Variants in TIAM1 observed in about 807,000 individuals in gnomAD.
TIAM1 encodes rho guanine nucleotide exchange factor TIAM1.
In TIAM1, 65 loss-of-function variants were observed where a neutral mutation model predicts 163.5. The ratio of observed to expected loss-of-function variants is 0.40; its 90% confidence interval spans 0.33 to 0.49. The LOEUF is 0.49. TIAM1 is among the 20% of genes least tolerant of loss of function. The pLI, the probability that TIAM1 is intolerant of heterozygous loss-of-function variation, is 0.77. For synonymous variants in TIAM1, 833 were observed against 810.1 expected, an observed-to-expected ratio of 1.03 and a Z score of -0.48; for missense variants, 1,789 against 2,044.7, an observed-to-expected ratio of 0.87 and a Z score of 2.41.
intron 4 of TIAM1, among the ~76,000 whole-genome samples, chr21:31,259,884 T>G (rs1351986484): frequency 4.0e-5 from 6 of 151,654 alleles, no homozygotes; most frequent in Non-Finnish European, 1.5e-5. Context: ...ATCATAGAGA[T>G]CTGCAAAAAT....
intron 13 of TIAM1, among the ~76,000 whole-genome samples, chr21:31,190,391 G>A (rs574267742): frequency 3.9e-5 from 6 of 152,162 alleles, no homozygotes; most frequent in African/African-American, 7.2e-5. Context: ...CAGCCTGGGC[G>A]ACAGAGTAAG....
intron 14 of TIAM1, among the ~76,000 whole-genome samples, chr21:31,184,471 C>T (rs1406713978): frequency 6.6e-6 from 1 of 152,090 alleles, no homozygotes; most frequent in East Asian, 1.9e-4. Context: ...GTGTTGGGAT[C>T]GTGTTTGTGG....
Position 31,120,945 on chromosome 21 carries a change from T to C in TIAM1, c.4307-108A>G, listed in dbSNP as rs187669817. 905 of 993,858 alleles carry C rather than the reference T, an allele frequency of 9.1e-4. 5 individuals are homozygous for C. The African/African-American group carries it at 0.011, about 12-fold the overall frequency. 61.6% of individuals were successfully genotyped at this position (993,858 alleles called of 1,614,324 possible). The stretch of plus-strand genomic sequence containing the variant: ...AAAATAAAAACCAAAACGGTATGCA[T>C]TGAATGCCTTGATGTCTTTTGGGGC... On this transcript the variant is annotated intron_variant, in intron 27 of 27. Coordinates refer to ENST00000541036, the MANE Select transcript of TIAM1 (RefSeq NM_001353694.2). This position sits in a 1 kb window ranked among gnomAD's most constrained non-coding sequence, Gnocchi z 4.2.
rs761233016 is a variant in TIAM1 at position 31,120,724 on chromosome 21, G to A, written c.4420C>T (p.Pro1474Ser). 7.4e-6 allele frequency: 12 copies of A among 1,614,038 alleles called. No homozygotes were observed. The highest frequency in any genetic ancestry group is 3.3e-5 in the South Asian group (3 of 91,072). The change falls in exon 28 of 28, where the codon CCC becomes TCC. Residue 1474 changes from proline to serine, a missense_variant. Coordinates refer to ENST00000541036, the MANE Select transcript of TIAM1 (RefSeq NM_001353694.2). The surrounding 1 kb of genome is among the most constrained non-coding windows in gnomAD (Gnocchi z 4.2). ...CGGTCAGTGTCCCCACCACCGGGGG[G>A]CTGCTGGGACTCTTTCTCCGGGCTG... ...ASSPEKESQQ[P>S]PGGGDTDRWV...
intron 2 of TIAM1, among the ~76,000 whole-genome samples, chr21:31,413,886 T>TC (rs2043289974): frequency 6.6e-6 from 1 of 151,840 alleles, no homozygotes; most frequent in East Asian, 1.9e-4. Context: ...ACTCAGCCAG[T>TC]CCCCCCGCAA....
intron 15 of TIAM1, among the ~76,000 whole-genome samples, chr21:31,167,844 C>A (rs1295254355): frequency 6.6e-6 from 1 of 152,186 alleles, no homozygotes; most frequent in Non-Finnish European, 1.5e-5. Context: ...TCGGTTTTAA[C>A]TGTAAGCCCA....
intron 1 of TIAM1, among the ~76,000 whole-genome samples, chr21:31,480,910 C>G (rs12483246): frequency 1.3e-5 from 2 of 152,132 alleles, no homozygotes; most frequent in Admixed American, 6.5e-5. Flanking sequence ...TGAGCCCCCA[C>G]GCCCAACTAA....
intron 2 of TIAM1, among the ~76,000 whole-genome samples, chr21:31,443,183 A>C (rs79888084): frequency 0.014 from 2,193 of 152,354 alleles, 24 homozygotes; most frequent in Middle Eastern, 0.027. Flanking sequence ...AAAAGTGCCC[A>C]ACATGGGACA....
intron 7 of TIAM1, among the ~76,000 whole-genome samples, chr21:31,225,153 A>G (rs2087874970): frequency 6.6e-6 from 1 of 151,952 alleles, no homozygotes; most frequent in Non-Finnish European, 1.5e-5. Flanking sequence ...CTGAGACTAC[A>G]GTTGCGGCTA....
intron 5 of TIAM1, among the ~76,000 whole-genome samples, chr21:31,249,555 A>G (rs2071682910): frequency 1.3e-5 from 2 of 152,296 alleles, no homozygotes; most frequent in South Asian, 4.1e-4. Flanking sequence ...AGAACTTGGC[A>G]CTAATTAATA....
chr21:31,296,823 C>T (rs1203996450), intron 2 of TIAM1, among the ~76,000 whole-genome samples: 1 of 152,108 alleles, frequency 6.6e-6, no homozygotes, highest in Non-Finnish European at 1.5e-5. Flanking sequence ...GCCACCACGC[C>T]CAGCTAATTT....
At chr21:31,512,727 C>G (rs2047252568) in intron 1 of TIAM1, among the ~76,000 whole-genome samples, 1 of 151,464 alleles carries the variant, frequency 6.6e-6, no homozygotes, top group Non-Finnish European at 1.5e-5. Context: ...AAGCAATCCT[C>G]CCGCCTCAGA....
chr21:31,181,361 G>A (rs1601440967), intron 15 of TIAM1, among the ~76,000 whole-genome samples: 1 of 152,284 alleles, frequency 6.6e-6, no homozygotes, highest in East Asian at 1.9e-4. Context: ...GGCCCATATG[G>A]AAGTCAAATT....
chr21:31,311,306 G>C (rs1203813526), intron 2 of TIAM1, among the ~76,000 whole-genome samples: 3 of 152,052 alleles, frequency 2.0e-5, no homozygotes, highest in Non-Finnish European at 4.4e-5. Context: ...ACTTCAGTTT[G>C]GGAACAATTC....
chr21:31,338,691 C>T (rs1027364162), intron 2 of TIAM1, among the ~76,000 whole-genome samples: 1 of 152,160 alleles, frequency 6.6e-6, no homozygotes, highest in Admixed American at 6.5e-5. Context: ...TAACTGCGAA[C>T]GTTGCACGGC....
Position 31,360,458 on chromosome 21 carries a change from T to C in TIAM1, c.-368-21036A>G, listed in dbSNP as rs189868968. Among the ~76,000 whole-genome samples the C allele has an allele frequency of 3.3e-5, 5 of 152,224 alleles. No individual in the cohort carries two copies. In the East Asian group the frequency reaches 9.6e-4, roughly 29 times the overall value. ...GAAGGCTTCAAAGTACTAATTTATA[T>C]TAGACTTTGCAATCCAAGGTAGCTA... is the stretch of plus-strand genomic sequence containing the variant. On this transcript the variant is annotated intron_variant, in intron 2 of 28. Coordinates refer to the TIAM1 transcript ENST00000286827.
chr21:31,509,061 C>T (rs2047126060), intron 1 of TIAM1, among the ~76,000 whole-genome samples: 1 of 152,166 alleles, frequency 6.6e-6, no homozygotes, highest in Admixed American at 6.5e-5. Flanking sequence ...AAAGCTGGGT[C>T]ATAGAGCAGG....
chr21:31,209,256 C>T (rs7281123), intron 11 of TIAM1, among the ~76,000 whole-genome samples: 1,975 of 152,252 alleles, frequency 0.013, 46 homozygotes, highest in African/African-American at 0.045. Context: ...GATACGACTA[C>T]GACATAGAAC....
intron 10 of TIAM1, among the ~76,000 whole-genome samples, chr21:31,211,388 G>A (rs1051386461): frequency 6.6e-6 from 1 of 152,164 alleles, no homozygotes; most frequent in Non-Finnish European, 1.5e-5. Flanking sequence ...ACATAATATT[G>A]ATGCTCAATA....
Sources: gnomAD v4.1 joint callset for allele counts (sites outside exome capture counted in the v4.1 genomes callset) on GRCh38, gnomAD v4.1.1 for gene constraint, Gnocchi (gnomAD v3.1) non-coding constraint, MANE v1.5 for transcripts, NCBI Gene and HGNC (gene_info 2026-07-23, HGNC 2026-07-21) for gene names.